The following KCTD8 variants were observed in gnomAD, a reference collection of about 807,000 sequenced individuals.
KCTD8 encodes BTB/POZ domain-containing protein KCTD8.
In KCTD8, 27 loss-of-function variants were observed where a neutral mutation model predicts 31.5. The observed-to-expected ratio is 0.86, with a 90% CI of 0.63 to 1.18. KCTD8 has a LOEUF of 1.18. KCTD8 is among the 50% of genes most tolerant of loss of function. KCTD8 has a pLI of 0.00. For missense variants in KCTD8, 658 were observed against 647.7 expected (o/e 1.02, Z -0.17); for synonymous variants, 290 against 280.0 (o/e 1.04, Z -0.36).
intron 1 of KCTD8, among the ~76,000 whole-genome samples, chr4:44,320,497 C>A (rs903320792): frequency 1.3e-5 from 2 of 152,136 alleles, no homozygotes; most frequent in African/African-American, 4.8e-5. Flanking sequence ...TATAGCTATG[C>A]CTACTCATTG....
intron 1 of KCTD8, among the ~76,000 whole-genome samples, chr4:44,268,688 C>T (rs906226757): frequency 7.2e-5 from 11 of 152,202 alleles, no homozygotes; most frequent in Admixed American, 2.0e-4. Context: ...TAAGCAACTT[C>T]AGCAAAGTCT....
At chr4:44,409,399 G>C (rs1220093102) in intron 1 of KCTD8, among the ~76,000 whole-genome samples, 3 of 152,042 alleles carry the variant, frequency 2.0e-5, no homozygotes, top group African/African-American at 7.2e-5. Context: ...TCTGTGCTAG[G>C]AGGGTGGTTT....
chr4:44,347,668 A>G (rs1253299444), intron 1 of KCTD8, among the ~76,000 whole-genome samples: 1 of 152,230 alleles, frequency 6.6e-6, no homozygotes, highest in Non-Finnish European at 1.5e-5. Context: ...CAATATAACT[A>G]ATGAGAAAAT....
intron 1 of KCTD8, among the ~76,000 whole-genome samples, chr4:44,331,965 A>G (rs1021464158): frequency 1.3e-5 from 2 of 151,676 alleles, no homozygotes; most frequent in Non-Finnish European, 3.0e-5. Flanking sequence ...TTCTTCAAAA[A>G]CCCGAAATAA....
chr4:44,334,212 G>T (rs1373292274), intron 1 of KCTD8, among the ~76,000 whole-genome samples: 4 of 152,164 alleles, frequency 2.6e-5, no homozygotes, highest in Admixed American at 6.5e-5. Context: ...TCTGCTGTGT[G>T]CCAGGCTTTC....
At chr4:44,317,505 C>T (rs945445062) in intron 1 of KCTD8, among the ~76,000 whole-genome samples, 1 of 140,932 alleles carries the variant, frequency 7.1e-6, no homozygotes, top group East Asian at 2.0e-4. Context: ...TCCCAAAGTG[C>T]TGGGATTACA....
intron 1 of KCTD8, among the ~76,000 whole-genome samples, chr4:44,435,491 T>C (rs1259287193): frequency 6.6e-6 from 1 of 151,890 alleles, no homozygotes; most frequent in Non-Finnish European, 1.5e-5. Context: ...TATTTTTTAT[T>C]ATCCAAACTG....
chr4:44,389,925 T>C (rs1460889277), intron 1 of KCTD8, among the ~76,000 whole-genome samples: 8 of 151,882 alleles, frequency 5.3e-5, no homozygotes, highest in Non-Finnish European at 8.8e-5. Context: ...TGGTCATGTG[T>C]GTATCTTTTT....
At chr4:44,295,614 G>A (rs551501106) in intron 1 of KCTD8, among the ~76,000 whole-genome samples, 44 of 152,000 alleles carry the variant, frequency 2.9e-4, no homozygotes, top group Middle Eastern at 3.4e-3. Context: ...TTTGATATGC[G>A]TCAGGCTATT....
intron 1 of KCTD8, among the ~76,000 whole-genome samples, chr4:44,292,208 G>T (rs554544723): frequency 6.6e-6 from 1 of 152,142 alleles, no homozygotes; most frequent in South Asian, 2.1e-4. Context: ...TAATTGTCAA[G>T]ACATGGAATT....
chr4:44,174,650 G>T lies in KCTD8; in HGVS notation c.*140C>A, dbSNP rs1713144326. 5.2e-6 allele frequency: 3 copies of T among 572,578 alleles called. No individual in the cohort carries two copies. The highest frequency in any genetic ancestry group is 2.9e-6 in the Non-Finnish European group (1 of 345,978). The allele number at this position is 572,578 out of a possible 1,614,324, so 35.5% of individuals were successfully genotyped here. A position where few individuals can be genotyped will look rare whatever the true frequency, so the allele number is the denominator to read the frequency against. ...AAAGAACAACAACTAAAACATAAAA[G>T]AAAATACTGTCCCACATCCACTGTT... On this transcript the variant is annotated 3_prime_UTR_variant, in exon 2 of 2. Coordinates refer to ENST00000360029, the MANE Select transcript of KCTD8 (RefSeq NM_198353.3).
chr4:44,183,535 T>C (rs543154727), intron 1 of KCTD8, among the ~76,000 whole-genome samples: 1 of 152,300 alleles, frequency 6.6e-6, no homozygotes, highest in East Asian at 1.9e-4. Context: ...TTGGGCTTTA[T>C]TATATTAAAA....
chr4:44,231,492 T>C (rs1372697670), intron 1 of KCTD8, among the ~76,000 whole-genome samples: 1 of 152,206 alleles, frequency 6.6e-6, no homozygotes, highest in Non-Finnish European at 1.5e-5. Context: ...TTTATTTATT[T>C]GAGATAGCAC....
chr4:44,205,357 T>C (rs1714271308), intron 1 of KCTD8, among the ~76,000 whole-genome samples: 1 of 152,184 alleles, frequency 6.6e-6, no homozygotes, highest in South Asian at 2.1e-4. Context: ...AATTTGGAAT[T>C]TTAGTTCGAT....
At chr4:44,429,929 G>A (rs1007647276) in intron 1 of KCTD8, among the ~76,000 whole-genome samples, 1 of 151,494 alleles carries the variant, frequency 6.6e-6, no homozygotes, top group Admixed American at 6.6e-5. Flanking sequence ...GAAGGAGCAG[G>A]AAGATTAATA....
intron 1 of KCTD8, among the ~76,000 whole-genome samples, chr4:44,272,500 T>G (rs904994641): frequency 6.6e-6 from 1 of 152,078 alleles, no homozygotes; most frequent in African/African-American, 2.4e-5. Context: ...ATGTGTAGAA[T>G]GAAGTGCTTT....
At chr4:44,285,476 T>C (rs1468438624) in intron 1 of KCTD8, among the ~76,000 whole-genome samples, 1 of 149,070 alleles carries the variant, frequency 6.7e-6, no homozygotes, top group Non-Finnish European at 1.5e-5. Flanking sequence ...CTGTAGGGGG[T>C]CGGGGTGTAG....
chr4:44,316,677 G>T (rs1030042977), intron 1 of KCTD8, among the ~76,000 whole-genome samples: 2 of 151,330 alleles, frequency 1.3e-5, no homozygotes, highest in Admixed American at 6.6e-5. Context: ...CAGGCCGGGC[G>T]TGGTGGCTCA....
intron 1 of KCTD8, among the ~76,000 whole-genome samples, chr4:44,375,460 G>A (rs774871247): frequency 6.6e-6 from 1 of 152,166 alleles, no homozygotes; most frequent in Non-Finnish European, 1.5e-5. Flanking sequence ...CAAGTGCAAT[G>A]TGAAGGCATC....
Sources: allele counts gnomAD v4.1 joint callset (sites outside exome capture counted in the v4.1 genomes callset), GRCh38; gene constraint gnomAD v4.1.1; transcripts MANE v1.5; gene names NCBI Gene and HGNC (gene_info 2026-07-23, HGNC 2026-07-21).